Variants in DCDC2C observed in about 807,000 individuals in gnomAD.
The protein encoded by DCDC2C is doublecortin domain-containing protein 2C.
DCDC2C carries 44 observed loss-of-function variants against 45.0 expected under a neutral mutation model. That is an observed-to-expected ratio of 0.98 (90% CI 0.77 to 1.26). The LOEUF is 1.26. DCDC2C is among the 50% of genes most tolerant of loss of function. The pLI is 0.00. For missense variants in DCDC2C, 447 were observed against 468.9 expected, an observed-to-expected ratio of 0.95 and a Z score of 0.43; for synonymous variants, 187 against 178.8, an observed-to-expected ratio of 1.05 and a Z score of -0.37.
intron 3 of DCDC2C, among the ~76,000 whole-genome samples, chr2:3,740,748 G>A (rs1669180030): frequency 6.6e-6 from 1 of 152,144 alleles, no homozygotes; most frequent in South Asian, 2.1e-4. Flanking sequence ...TTGATTGGAA[G>A]CCTCTTTTGC....
At chr2:3,812,805 C>G (rs894187561) in intron 10 of DCDC2C, among the ~76,000 whole-genome samples, 5 of 151,996 alleles carry the variant, frequency 3.3e-5, no homozygotes, top group African/African-American at 1.2e-4. Flanking sequence ...TTTCAAAGAA[C>G]TTCTTGATTT....
chr2:3,788,578 A>T (rs1034483246), intron 10 of DCDC2C: 1 of 151,004 alleles, frequency 6.6e-6, no homozygotes, highest in Non-Finnish European at 1.5e-5. Flanking sequence ...GCTATTAGTT[A>T]AAAAAAAAGT....
chr2:3,777,116 C>T (rs974077552), intron 8 of DCDC2C, among the ~76,000 whole-genome samples: 19 of 152,248 alleles, frequency 1.2e-4, no homozygotes, highest in African/African-American at 4.1e-4. Flanking sequence ...AAGCTCAGCG[C>T]TTCTTCCTGC....
chr2:3,728,920 A>G (rs1668779672), intron 3 of DCDC2C, among the ~76,000 whole-genome samples: 1 of 152,126 alleles, frequency 6.6e-6, no homozygotes, highest in Admixed American at 6.5e-5. Context: ...TGGTGAGTGC[A>G]TGGGTTGGAA....
chr2:3,732,659 A>G (rs992927304), intron 3 of DCDC2C, among the ~76,000 whole-genome samples: 4 of 152,136 alleles, frequency 2.6e-5, no homozygotes, highest in African/African-American at 7.2e-5. Context: ...GACTGTGTGT[A>G]TCTAATTAAC....
At chr2:3,826,921 CCCCTGCCTCCCTCCCTT>C (rs1030691686) in intron 10 of DCDC2C, among the ~76,000 whole-genome samples, 6 of 150,818 alleles carry the variant, frequency 4.0e-5, no homozygotes, top group East Asian at 4.0e-4. Flanking sequence ...ATCCCTCCCT[CCCCTGCCTCCCTCCCTT>C]CCCTGCCTCC....
chr2:3,819,154 C>T (rs1473677149), intron 10 of DCDC2C, among the ~76,000 whole-genome samples: 3 of 152,192 alleles, frequency 2.0e-5, no homozygotes, highest in Non-Finnish European at 4.4e-5. Context: ...GGTGATCGGA[C>T]AGCATCAGTC....
At chr2:3,756,144 C>A (rs1021650511) in intron 6 of DCDC2C, among the ~76,000 whole-genome samples, 1 of 151,958 alleles carries the variant, frequency 6.6e-6, no homozygotes, top group African/African-American at 2.4e-5. Flanking sequence ...GGAATAATGA[C>A]AAGGAGGTAT....
chr2:3,844,810 G>C (rs1306871318), intron 10 of DCDC2C, among the ~76,000 whole-genome samples: 1 of 152,108 alleles, frequency 6.6e-6, no homozygotes, highest in Non-Finnish European at 1.5e-5. Flanking sequence ...GTGAATCATT[G>C]CCCGCTGGGG....
intron 3 of DCDC2C, among the ~76,000 whole-genome samples, chr2:3,729,492 G>T (rs1668795933): frequency 6.6e-6 from 1 of 152,228 alleles, no homozygotes; most frequent in Non-Finnish European, 1.5e-5. Flanking sequence ...TTTAAAGGGG[G>T]AATGAGATGG....
At chr2:3,706,904 T>G (rs115085932) in intron 1 of DCDC2C, among the ~76,000 whole-genome samples, 1,622 of 152,334 alleles carry the variant, frequency 0.011, 30 homozygotes, top group African/African-American at 0.034. Flanking sequence ...AAGACTTGGT[T>G]TCCTCATCCA....
chr2:3,728,303 C>T (rs142401651), intron 3 of DCDC2C, among the ~76,000 whole-genome samples: 198 of 152,326 alleles, frequency 1.3e-3, no homozygotes, highest in African/African-American at 4.5e-3. Flanking sequence ...TTTAAGCTTC[C>T]ACAAGGGGGC....
chr2:3,811,596 G>A (rs957194334), intron 10 of DCDC2C, among the ~76,000 whole-genome samples: 2 of 152,114 alleles, frequency 1.3e-5, no homozygotes, highest in Non-Finnish European at 2.9e-5. Context: ...GATTGCCCTG[G>A]CCAGAACTTC....
At chr2:3,779,708 G>A (rs1670457759) in intron 9 of DCDC2C, among the ~76,000 whole-genome samples, 1 of 152,280 alleles carries the variant, frequency 6.6e-6, no homozygotes, top group East Asian at 1.9e-4. Flanking sequence ...AAGTCTGAGA[G>A]TTGCAGTCTG....
intron 2 of DCDC2C, among the ~76,000 whole-genome samples, chr2:3,714,990 A>C (rs1438450275): frequency 6.6e-6 from 1 of 152,260 alleles, no homozygotes; most frequent in African/African-American, 2.4e-5. Context: ...AAAGAAAAAC[A>C]TATTCATAAT....
chr2:3,784,164 A>G (rs1487532843), intron 9 of DCDC2C, among the ~76,000 whole-genome samples: 1 of 152,232 alleles, frequency 6.6e-6, no homozygotes, highest in East Asian at 1.9e-4. Context: ...AGTGCTTAAT[A>G]AATCCAGATT....
At chr2:3,745,840 G>A (rs936373774) in intron 4 of DCDC2C, among the ~76,000 whole-genome samples, 1 of 151,454 alleles carries the variant, frequency 6.6e-6, no homozygotes, top group Admixed American at 6.6e-5. Flanking sequence ...CTCCTGAGTA[G>A]TTGGGACTAC....
At chr2:3,743,568 C>T (rs1167470271) in intron 4 of DCDC2C, among the ~76,000 whole-genome samples, 2 of 151,954 alleles carry the variant, frequency 1.3e-5, no homozygotes, top group African/African-American at 4.8e-5. Flanking sequence ...CATAATGATA[C>T]AAAGCTAGAA....
intron 2 of DCDC2C, among the ~76,000 whole-genome samples, chr2:3,725,783 T>C (rs67826543): frequency 0.57 from 72,855 of 127,100 alleles, 21,602 homozygotes; most frequent in Non-Finnish European, 0.63. Flanking sequence ...GCCAGGTGGA[T>C]CCCGGAGGGA....
Sources: gnomAD v4.1 joint callset for allele counts (sites outside exome capture counted in the v4.1 genomes callset) on GRCh38, gnomAD v4.1.1 for gene constraint, MANE v1.5 for transcripts, NCBI Gene and HGNC (gene_info 2026-07-23, HGNC 2026-07-21) for gene names.